ADGRD1: variants seen among roughly 807,000 people sequenced by gnomAD.
The protein encoded by ADGRD1 is adhesion G protein-coupled receptor D1.
In ADGRD1, 77 loss-of-function variants were observed where a neutral mutation model predicts 113.4. The ratio of observed to expected loss-of-function variants is 0.68; its 90% confidence interval spans 0.57 to 0.82. ADGRD1 has a LOEUF of 0.82. ADGRD1 is among the 40% of genes least tolerant of loss of function. The pLI, the probability that ADGRD1 is intolerant of heterozygous loss-of-function variation, is 0.00. For synonymous variants in ADGRD1, 474 were observed against 475.0 expected (o/e 1.00, Z 0.03); for missense variants, 1,036 against 1,139.1 (o/e 0.91, Z 1.30).
chr12:131,116,485 G>T (rs1270160886), intron 18 of ADGRD1, among the ~76,000 whole-genome samples: 1 of 152,162 alleles, frequency 6.6e-6, no homozygotes, highest in Non-Finnish European at 1.5e-5. Flanking sequence ...TGTTTGGAAG[G>T]GCAGGCACGG....
At position 131,125,714 on chromosome 12, in the gene ADGRD1, G is replaced by C. The variant is rs997714641; in HGVS notation, c.2175+4801G>C. On this transcript the variant is annotated intron_variant, in intron 20 of 24. Transcript: ENST00000261654. ...TGAACTTACAATGGGATTAAGTCCT[G>C]ATAAACTCATCATAAGCAGAAAATA... is the stretch of plus-strand genomic sequence containing the variant. Among the ~76,000 whole-genome samples the C allele has an allele frequency of 2.0e-5, 3 of 152,154 alleles. No homozygotes were observed. The South Asian group carries it at 6.2e-4, about 32-fold the overall frequency.
chr12:131,032,741 C>T (rs1880926049), intron 13 of ADGRD1, among the ~76,000 whole-genome samples: 1 of 130,370 alleles, frequency 7.7e-6, no homozygotes, highest in East Asian at 2.1e-4. Flanking sequence ...AGAGAAATCG[C>T]CACCCCGTCA....
intron 8 of ADGRD1, among the ~76,000 whole-genome samples, chr12:130,997,053 A>T (rs1327564860): frequency 5.1e-5 from 6 of 118,380 alleles, no homozygotes; most frequent in East Asian, 3.1e-4. Flanking sequence ...CTGGCCAGGC[A>T]GAGGGGCTCC....
At chr12:131,017,576 ACACT>A (rs1207845035) in intron 13 of ADGRD1, among the ~76,000 whole-genome samples, 1 of 150,818 alleles carries the variant, frequency 6.6e-6, no homozygotes, top group Admixed American at 6.6e-5. Context: ...CAGTCCACAC[ACACT>A]CAGTCCACAC....
chr12:131,046,901 T>C (rs76303710), intron 13 of ADGRD1, among the ~76,000 whole-genome samples: 4 of 100,368 alleles, frequency 4.0e-5, no homozygotes, highest in Admixed American at 2.2e-4. Context: ...TGGTCAATGC[T>C]CCCTCCCTGG....
intron 2 of ADGRD1, chr12:130,957,522 C>T (rs1336304669): frequency 6.6e-6 from 1 of 152,380 alleles, no homozygotes; most frequent in African/African-American, 2.4e-5. Flanking sequence ...ACACATCCCA[C>T]ATCCACACAC....
chr12:131,099,011 A>C (rs1266623751), intron 15 of ADGRD1, among the ~76,000 whole-genome samples: 1 of 152,220 alleles, frequency 6.6e-6, no homozygotes, highest in Non-Finnish European at 1.5e-5. Context: ...TGCTCTGAGG[A>C]GTCGATGCCT....
chr12:131,020,440 C>T (rs1879198611), intron 13 of ADGRD1, among the ~76,000 whole-genome samples: 1 of 152,250 alleles, frequency 6.6e-6, no homozygotes, highest in East Asian at 1.9e-4. Flanking sequence ...TGCCTAATAG[C>T]ACCCCAGGGC....
At chr12:131,045,272 G>A (rs1337413712) in intron 13 of ADGRD1, among the ~76,000 whole-genome samples, 5 of 152,222 alleles carry the variant, frequency 3.3e-5, no homozygotes, top group African/African-American at 9.6e-5. Flanking sequence ...TGAGCCCTCC[G>A]TCCAGCACTG....
chr12:131,073,213 G>T (rs147402123), intron 13 of ADGRD1, among the ~76,000 whole-genome samples: 3 of 152,334 alleles, frequency 2.0e-5, no homozygotes, highest in African/African-American at 7.2e-5. Flanking sequence ...ATCCATGCTG[G>T]ACTGTCTTAT....
intron 13 of ADGRD1, chr12:131,070,836 A>C (rs748327441): frequency 4.2e-5 from 22 of 518,912 alleles, no homozygotes; most frequent in South Asian, 2.9e-4. Flanking sequence ...GCTGGCCTCT[A>C]GTGCCCTGCC....
At chr12:131,034,211 A>G (rs558277632) in intron 13 of ADGRD1, among the ~76,000 whole-genome samples, 1 of 151,398 alleles carries the variant, frequency 6.6e-6, no homozygotes, top group East Asian at 1.9e-4. Context: ...ACTCTGGGCC[A>G]CTCCCCGCCC....
intron 18 of ADGRD1, among the ~76,000 whole-genome samples, chr12:131,112,457 G>C (rs568832707): frequency 2.0e-5 from 3 of 152,146 alleles, no homozygotes; most frequent in Admixed American, 2.0e-4. Context: ...CTGACCCCAG[G>C]AAGGCTCTTC....
chr12:131,014,272 C>T lies in ADGRD1; in HGVS notation c.1405C>T (p.Pro469Ser), dbSNP rs1399002090. ...TSHLISLEVS[P>S]PPTLSQNLSG... ...CCACCTGATTTCCCTGGAGGTGTCCCCACCACCCACCCTGTCTCAGAACCT... is the reference window on the plus strand; with the variant it reads ...CCACCTGATTTCCCTGGAGGTGTCCTCACCACCCACCCTGTCTCAGAACCT... The change falls in exon 13 of 25, where the codon CCA becomes TCA. Residue 469 changes from proline (P) to serine (S), a missense_variant. By Grantham distance (74) the Pro-to-Ser change is moderately conservative. Transcript: ENST00000261654. 4 of 1,613,858 alleles carry T rather than the reference C, an allele frequency of 2.5e-6. No individual in the cohort carries two copies. The highest frequency in any genetic ancestry group is 1.7e-5 in the Admixed American group (1 of 60,014).
intron 12 of ADGRD1, among the ~76,000 whole-genome samples, chr12:131,007,139 T>C (rs954989804): frequency 6.6e-6 from 1 of 152,214 alleles, no homozygotes; most frequent in Non-Finnish European, 1.5e-5. Context: ...GCCCACAACG[T>C]CACAAAGGCG....
chr12:131,009,605 G>C (rs2136779516), intron 12 of ADGRD1, among the ~76,000 whole-genome samples: 1 of 152,374 alleles, frequency 6.6e-6, no homozygotes, highest in Non-Finnish European at 1.5e-5. Context: ...CACACCGCTA[G>C]TGCTTCAGCA....
intron 13 of ADGRD1, among the ~76,000 whole-genome samples, chr12:131,031,211 C>T (rs144984857): frequency 6.6e-5 from 10 of 152,292 alleles, no homozygotes; most frequent in Non-Finnish European, 1.0e-4. Context: ...TCCCTTCCTG[C>T]GCCATGTCAT....
chr12:131,098,514 G>A (rs983872173), intron 15 of ADGRD1, among the ~76,000 whole-genome samples: 4 of 152,170 alleles, frequency 2.6e-5, no homozygotes, highest in African/African-American at 9.7e-5. Context: ...AAGCCCAGGA[G>A]GCTGAAGAGA....
At chr12:131,129,603 G>A (rs1368688757) in intron 20 of ADGRD1, among the ~76,000 whole-genome samples, 4 of 152,176 alleles carry the variant, frequency 2.6e-5, no homozygotes, top group Non-Finnish European at 5.9e-5. Context: ...TGAGGTACCC[G>A]GAATAGAAAT....
Sources: allele counts gnomAD v4.1 joint callset (sites outside exome capture counted in the v4.1 genomes callset), GRCh38; gene constraint gnomAD v4.1.1; transcripts MANE v1.5; gene names NCBI Gene and HGNC (gene_info 2026-07-23, HGNC 2026-07-21).